SYCP2: variants seen among roughly 807,000 people sequenced by gnomAD.
SYCP2 encodes synaptonemal complex lateral element protein.
SYCP2 carries 55 observed loss-of-function variants against 211.3 expected under a neutral mutation model. That is an observed-to-expected ratio of 0.26 (90% CI 0.21 to 0.33). SYCP2 has a LOEUF of 0.33. SYCP2 is among the 10% of genes least tolerant of loss of function. SYCP2 has a pLI of 1.00. For synonymous variants in SYCP2, 570 were observed against 555.2 expected (o/e 1.03, Z -0.37); for missense variants, 1,731 against 1,752.0 (o/e 0.99, Z 0.21).
chr20:59,917,912 A>G (rs2060473000), intron 7 of SYCP2, among the ~76,000 whole-genome samples: 1 of 152,200 alleles, frequency 6.6e-6, no homozygotes, highest in Admixed American at 6.5e-5. Context: ...CAGTTTTTGC[A>G]TGACTGTATT....
rs1179861837 is a variant in SYCP2, at chr20:59,914,369, G to T, written c.635-118C>A. 6.1e-6 allele frequency: 3 copies of T among 494,506 alleles called. No homozygotes were observed. In the Admixed American group the frequency reaches 1.1e-4, roughly 19 times the overall value. 30.6% of individuals were successfully genotyped at this position (494,506 alleles called of 1,614,324 possible). A position where few individuals can be genotyped will look rare whatever the true frequency, so the allele number is the denominator to read the frequency against. The stretch of plus-strand genomic sequence containing the variant: ...GAAATAAGAATATATTAATGTAATT[G>T]ATTAATCTATTAATATTTTCTTCAT... On this transcript the variant is annotated intron_variant, in intron 10 of 44. Coordinates refer to ENST00000357552, the MANE Select transcript of SYCP2 (RefSeq NM_014258.4).
intron 2 of SYCP2, among the ~76,000 whole-genome samples, chr20:59,924,414 G>A (rs1271935878): frequency 6.6e-6 from 1 of 151,860 alleles, no homozygotes; most frequent in African/African-American, 2.4e-5. Flanking sequence ...ATCTGTCTAT[G>A]TCAATTTAAC....
At chr20:59,874,454 T>G (rs2059515700) in intron 34 of SYCP2, among the ~76,000 whole-genome samples, 1 of 152,048 alleles carries the variant, frequency 6.6e-6, no homozygotes, top group African/African-American at 2.4e-5. Context: ...TCTACATCTT[T>G]CACATAAAAA....
chr20:59,912,773 G>A (rs1302756862), intron 12 of SYCP2, among the ~76,000 whole-genome samples: 2 of 152,148 alleles, frequency 1.3e-5, no homozygotes, highest in Admixed American at 1.3e-4. Flanking sequence ...GGAGATAACA[G>A]AATCATGAGG....
chr20:59,867,226 AT>A (rs1281666112), intron 39 of SYCP2, among the ~76,000 whole-genome samples: 6 of 150,916 alleles, frequency 4.0e-5, no homozygotes, highest in African/African-American at 1.2e-4. Context: ...ATAGGCAGAA[AT>A]ATATTACTAA....
rs1444240671 is a variant in SYCP2 at position 59,863,657 on chromosome 20, GCAAGA to G, written c.*649_*653del. ...ATACTCATTTTTATAAATTAATCTA[GCAAGA>G]TATTACAATGACTACTAGATTAAAA... is the stretch of plus-strand genomic sequence containing the variant. On this transcript the variant is annotated 3_prime_UTR_variant, in exon 45 of 45. Coordinates refer to ENST00000357552, the MANE Select transcript of SYCP2 (RefSeq NM_014258.4). 1.3e-5 allele frequency: 2 copies of G among 151,722 alleles called. No individual in the cohort carries two copies. Among genetic ancestry groups the G allele is most frequent in the Non-Finnish European group, 2.9e-5 (2 of 67,824 alleles). 9.4% of individuals were successfully genotyped at this position (151,722 alleles called of 1,614,324 possible).
intron 32 of SYCP2, 88 bp from the exon 33 acceptor site, chr20:59,877,643 G>T: frequency 9.5e-7 from 1 of 1,053,988 alleles, no homozygotes; most frequent in African/African-American, 1.6e-5. Context: ...ACTGTGACAA[G>T]TTTTACATAA....
At chr20:59,918,624 C>T (rs566470888) in intron 7 of SYCP2, among the ~76,000 whole-genome samples, 1 of 152,232 alleles carries the variant, frequency 6.6e-6, no homozygotes, top group South Asian at 2.1e-4. Flanking sequence ...CTATTAATGC[C>T]TTTCAAGTGA....
intron 35 of SYCP2, 68 bp downstream of exon 35, chr20:59,873,785 AGAT>A: frequency 7.5e-7 from 1 of 1,325,004 alleles, no homozygotes; most frequent in African/African-American, 1.5e-5. Context: ...TATCTGATTA[AGAT>A]GATAGGGAAA....
In SYCP2 at chr20:59,891,847, G is replaced by A; in HGVS notation, c.2364+143C>T. ...GCTACGACAAGGGAGAGGTGAGTGA[G>A]GAATTCTGAGAGTCTGGGCACTGAA... On this transcript the variant is annotated intron_variant, in intron 24 of 44. Coordinates refer to ENST00000357552, the MANE Select transcript of SYCP2 (RefSeq NM_014258.4). 7 of 676,510 alleles carry A rather than the reference G, an allele frequency of 1.0e-5. No individual in the cohort carries two copies. In the South Asian group the frequency reaches 1.5e-4, roughly 15 times the overall value. 41.9% of individuals were successfully genotyped at this position (676,510 alleles called of 1,614,324 possible). A position where few individuals can be genotyped will look rare whatever the true frequency, so the allele number is the denominator to read the frequency against.
intron 27 of SYCP2, 26 bp from the exon 28 acceptor site, chr20:59,882,028 C>T (rs771442555): frequency 4.3e-6 from 7 of 1,609,410 alleles, no homozygotes; most frequent in Non-Finnish European, 5.9e-6. Context: ...GCAATATTAG[C>T]TCCACTTAAA....
At chr20:59,921,581 TA>T in intron 3 of SYCP2, 128 bp from the exon 4 acceptor site, 1 of 563,416 alleles carries the variant, frequency 1.8e-6, no homozygotes, top group South Asian at 6.8e-5. Context: ...TTAATTCACG[TA>T]TTTTTTAAAA....
intron 39 of SYCP2, among the ~76,000 whole-genome samples, chr20:59,867,105 C>CGGGGGGGGGGGGGGG: frequency 5.8e-4 from 2 of 3,466 alleles, no homozygotes; most frequent in Non-Finnish European, 8.3e-4. Flanking sequence ...AGACTGGGGG[C>CGGGGGGGGGGGGGGG]GGGGGGGGGG....
chr20:59,880,140 T>C (rs770554093), intron 31 of SYCP2, among the ~76,000 whole-genome samples, 163 bp downstream of exon 31: 1 of 151,412 alleles, frequency 6.6e-6, no homozygotes, highest in Non-Finnish European at 1.5e-5. Flanking sequence ...ATAACCGTAT[T>C]ACTAAAATAA....
At chr20:59,881,588 C>A in intron 28 of SYCP2, 96 bp from the exon 29 acceptor site, 1 of 611,648 alleles carries the variant, frequency 1.6e-6, no homozygotes, top group Non-Finnish European at 2.7e-6. Flanking sequence ...TTCACAAAAT[C>A]ATAAGATTTG....
intron 15 of SYCP2, among the ~76,000 whole-genome samples, chr20:59,902,574 T>C (rs1166085974): frequency 6.6e-6 from 1 of 152,038 alleles, no homozygotes; most frequent in African/African-American, 2.4e-5. Context: ...TCACACAAAG[T>C]AGGGAAATTT....
chr20:59,871,481 G>T (rs775694699), intron 35 of SYCP2, among the ~76,000 whole-genome samples: 1 of 151,898 alleles, frequency 6.6e-6, no homozygotes, highest in South Asian at 2.1e-4. Context: ...TCCAGCCAAT[G>T]AATATGTAAC....
intron 16 of SYCP2, 114 bp downstream of exon 16, chr20:59,901,548 C>A (rs1270837232): frequency 1.5e-6 from 1 of 657,230 alleles, no homozygotes; most frequent in South Asian, 2.6e-5. Context: ...ATTTAAAGAA[C>A]TAAAATCTAC....
chr20:59,909,348 C>G (rs574548820), intron 14 of SYCP2, among the ~76,000 whole-genome samples: 9 of 152,334 alleles, frequency 5.9e-5, no homozygotes, highest in African/African-American at 2.2e-4. Flanking sequence ...CAAGTTTGCT[C>G]AGTTCTGTCT....
Sources: allele counts gnomAD v4.1 joint callset (sites outside exome capture counted in the v4.1 genomes callset), GRCh38; gene constraint gnomAD v4.1.1; transcripts MANE v1.5; gene names NCBI Gene and HGNC (gene_info 2026-07-23, HGNC 2026-07-21).